Variants in COG5 observed in about 807,000 individuals in gnomAD.
COG5 encodes the protein component of oligomeric golgi complex 5.
In COG5, 86 loss-of-function variants were observed where a neutral mutation model predicts 110.4. That is an observed-to-expected ratio of 0.78 (90% CI 0.65 to 0.93). The LOEUF (loss-of-function observed/expected upper bound fraction) is 0.93, where lower values mean the gene tolerates loss of function less well. COG5 is among the 40% of genes least tolerant of loss of function. The pLI is 0.00. For synonymous variants in COG5, 360 were observed against 334.6 expected (o/e 1.08, Z -0.83); for missense variants, 1,077 against 987.0 (o/e 1.09, Z -1.22).
At chr7:107,546,581 G>T (rs115486342) in intron 5 of COG5, among the ~76,000 whole-genome samples, 1 of 151,402 alleles carries the variant, frequency 6.6e-6, no homozygotes, top group Non-Finnish European at 1.5e-5. Context: ...GACTACAGGC[G>T]TGTCACCATG....
Position 107,542,189 on chromosome 7 carries a change from C to G in COG5, c.417+5922G>C, listed in dbSNP as rs1802089314. ...GAAAAATTAGATAAATTTAACTTCT[C>G]TCCAACAACAGACAAGAGCGAGAAG... On this transcript the variant is annotated intron_variant, in intron 5 of 21. Coordinates refer to ENST00000297135, the MANE Select transcript of COG5 (RefSeq NM_006348.5). Among the ~76,000 whole-genome samples, 6 of 152,122 alleles carry G rather than the reference C, an allele frequency of 3.9e-5. No individual in the cohort carries two copies. In the South Asian group the frequency reaches 1.2e-3, roughly 32 times the overall value.
At chr7:107,438,843 A>C (rs868151660) in intron 6 of COG5, among the ~76,000 whole-genome samples, 6 of 152,200 alleles carry the variant, frequency 3.9e-5, no homozygotes, top group African/African-American at 1.4e-4. Context: ...TCTTGTTCTA[A>C]CAGAAACTTG....
chr7:107,526,141 A>G (rs796814930), intron 6 of COG5, among the ~76,000 whole-genome samples: 9 of 152,344 alleles, frequency 5.9e-5, no homozygotes, highest in African/African-American at 2.2e-4. Context: ...CTCTGATACT[A>G]TTTTGGCATA....
At chr7:107,515,632 G>A (rs995639436) in intron 6 of COG5, among the ~76,000 whole-genome samples, 1 of 152,102 alleles carries the variant, frequency 6.6e-6, no homozygotes, top group African/African-American at 2.4e-5. Context: ...AGGTGGAGAG[G>A]AGAATGATGA....
intron 14 of COG5, among the ~76,000 whole-genome samples, chr7:107,271,373 G>A (rs149732689): frequency 4.6e-5 from 7 of 152,172 alleles, no homozygotes; most frequent in African/African-American, 1.7e-4. Flanking sequence ...ATCAATTTCA[G>A]AAGAATCAAC....
At chr7:107,442,142 T>C (rs1309918254) in intron 6 of COG5, among the ~76,000 whole-genome samples, 2 of 152,042 alleles carry the variant, frequency 1.3e-5, no homozygotes, top group African/African-American at 2.4e-5. Flanking sequence ...TTGGCAGACA[T>C]CCCCCCCTGT....
At chr7:107,390,602 A>G (rs1195158423) in intron 7 of COG5, among the ~76,000 whole-genome samples, 3 of 151,680 alleles carry the variant, frequency 2.0e-5, no homozygotes, top group African/African-American at 7.3e-5. Context: ...AAAATTTTAG[A>G]ATCTGTTCAC....
At chr7:107,459,820 G>A (rs181436267) in intron 6 of COG5, among the ~76,000 whole-genome samples, 41 of 149,896 alleles carry the variant, frequency 2.7e-4, no homozygotes, top group African/African-American at 9.1e-4. Flanking sequence ...AAAGTTAATA[G>A]AACAGTAAAA....
chr7:107,554,180 T>C, intron 3 of COG5, 105 bp downstream of exon 3: 5 of 915,164 alleles, frequency 5.5e-6, no homozygotes, highest in South Asian at 5.4e-5. Context: ...ACAGAGACTG[T>C]ATGGCTGGCA....
chr7:107,433,154 C>T (rs1794140351), intron 6 of COG5, among the ~76,000 whole-genome samples: 1 of 152,102 alleles, frequency 6.6e-6, no homozygotes, highest in Admixed American at 6.6e-5. Flanking sequence ...GACATGTATT[C>T]TGAACACTAC....
chr7:107,419,942 A>G (rs1336575868), intron 6 of COG5, among the ~76,000 whole-genome samples: 1 of 152,222 alleles, frequency 6.6e-6, no homozygotes, highest in African/African-American at 2.4e-5. Context: ...AATAACCATA[A>G]GTCTATATTT....
Position 107,201,691 on chromosome 7 carries a change from T to C in COG5, c.*1825A>G, listed in dbSNP as rs1211078883. 2 of 362,698 alleles carry C rather than the reference T, an allele frequency of 5.5e-6. No individual in the cohort carries two copies. Among genetic ancestry groups the C allele is most frequent in the Non-Finnish European group, 9.9e-6 (2 of 201,534 alleles). 22.5% of individuals were successfully genotyped at this position (362,698 alleles called of 1,614,324 possible). A position where few individuals can be genotyped will look rare whatever the true frequency, so the allele number is the denominator to read the frequency against. ...TTCATATATGTCTATCAGGTAATAA[T>C]AGGCTTGAAAATTGATATCCTGTGG... On this transcript the variant is annotated 3_prime_UTR_variant, in exon 22 of 22. Coordinates refer to ENST00000297135, the MANE Select transcript of COG5 (RefSeq NM_006348.5).
chr7:107,523,159 T>G (rs1334256022), intron 6 of COG5, among the ~76,000 whole-genome samples: 2 of 152,308 alleles, frequency 1.3e-5, no homozygotes, highest in South Asian at 2.1e-4. Flanking sequence ...CATTGACTGA[T>G]TGATTGATTT....
intron 10 of COG5, among the ~76,000 whole-genome samples, chr7:107,326,889 T>C (rs2129028729): frequency 6.6e-6 from 1 of 152,196 alleles, no homozygotes; most frequent in Non-Finnish European, 1.5e-5. Flanking sequence ...TCAAGACATA[T>C]TACAGAGCCA....
intron 6 of COG5, among the ~76,000 whole-genome samples, chr7:107,444,914 G>A (rs1050268451): frequency 2.0e-5 from 3 of 152,142 alleles, no homozygotes; most frequent in African/African-American, 7.2e-5. Flanking sequence ...TAGGGCAAGC[G>A]TAGTGGCTCA....
At chr7:107,223,272 G>C (rs1274084288) in intron 19 of COG5, among the ~76,000 whole-genome samples, 1 of 152,220 alleles carries the variant, frequency 6.6e-6, no homozygotes, top group East Asian at 1.9e-4. Context: ...GGGCCTCTGA[G>C]AGAGAAGAGA....
chr7:107,317,336 C>T (rs185215005), intron 11 of COG5, among the ~76,000 whole-genome samples: 24 of 152,158 alleles, frequency 1.6e-4, no homozygotes, highest in Non-Finnish European at 3.2e-4. Context: ...AGAACAGAGG[C>T]GCATAGACAG....
intron 21 of COG5, among the ~76,000 whole-genome samples, chr7:107,205,804 A>G (rs890117796): frequency 6.6e-6 from 1 of 152,056 alleles, no homozygotes; most frequent in African/African-American, 2.4e-5. Context: ...GGTTTGTGAA[A>G]CGATCTCACC....
chr7:107,433,079 A>G (rs1794137119), intron 6 of COG5, among the ~76,000 whole-genome samples: 1 of 152,344 alleles, frequency 6.6e-6, no homozygotes, highest in Admixed American at 6.5e-5. Context: ...AATCCCATTT[A>G]CAATTTTAGC....
Sources: gnomAD v4.1 joint callset for allele counts (sites outside exome capture counted in the v4.1 genomes callset) on GRCh38, gnomAD v4.1.1 for gene constraint, MANE v1.5 for transcripts, NCBI Gene and HGNC (gene_info 2026-07-23, HGNC 2026-07-21) for gene names.